Variants in ANKRD13C observed in about 807,000 individuals in gnomAD.
ANKRD13C encodes the protein ankyrin repeat domain-containing protein 13C.
Under a neutral mutation model 65.5 loss-of-function variants are expected in ANKRD13C, and 16 were observed. The observed-to-expected ratio is 0.24, with a 90% CI of 0.17 to 0.37. The LOEUF (loss-of-function observed/expected upper bound fraction) is 0.37. Ranked by LOEUF, ANKRD13C falls within the 10% of genes least tolerant of loss-of-function variation. The pLI is 1.00. For missense variants in ANKRD13C, 503 were observed against 655.9 expected (o/e 0.77, Z 2.55); for synonymous variants, 235 against 238.7 (o/e 0.98, Z 0.14).
At chr1:70,265,144 A>G (rs926470443) in intron 12 of ANKRD13C, among the ~76,000 whole-genome samples, 1 of 152,228 alleles carries the variant, frequency 6.6e-6, no homozygotes, top group African/African-American at 2.4e-5. Context: ...GATCAGGTGG[A>G]AAGCCAACGG....
intron 7 of ANKRD13C, among the ~76,000 whole-genome samples, chr1:70,298,071 A>G (rs1301738780): frequency 6.6e-6 from 1 of 152,188 alleles, no homozygotes; most frequent in Non-Finnish European, 1.5e-5. Context: ...TGGTAACCCA[A>G]ATTAATTCTG....
intron 9 of ANKRD13C, among the ~76,000 whole-genome samples, chr1:70,291,210 G>A (rs189298760): frequency 7.8e-4 from 117 of 150,904 alleles, no homozygotes; most frequent in African/African-American, 2.6e-3. Context: ...TTGTAGAGGC[G>A]GGATTTCACC....
intron 2 of ANKRD13C, among the ~76,000 whole-genome samples, chr1:70,328,425 G>T (rs1471681120): frequency 6.6e-6 from 1 of 152,124 alleles, no homozygotes; most frequent in African/African-American, 2.4e-5. Context: ...GACTTTGGGA[G>T]GCCAAGGTGG....
intron 2 of ANKRD13C, among the ~76,000 whole-genome samples, chr1:70,325,314 G>A (rs1304019415): frequency 1.3e-5 from 2 of 152,126 alleles, no homozygotes; most frequent in Non-Finnish European, 2.9e-5. Context: ...CAGCTAGTAA[G>A]ACCCAAAAGA....
At chr1:70,328,848 A>G (rs937224197) in intron 2 of ANKRD13C, among the ~76,000 whole-genome samples, 1 of 152,216 alleles carries the variant, frequency 6.6e-6, no homozygotes, top group Non-Finnish European at 1.5e-5. Flanking sequence ...TAGCCAAGAT[A>G]AAAAGAAATT....
At chr1:70,280,558 G>GCAATACAA (rs1276480955) in intron 9 of ANKRD13C, among the ~76,000 whole-genome samples, 3 of 152,130 alleles carry the variant, frequency 2.0e-5, no homozygotes, top group African/African-American at 7.2e-5. Context: ...AATATTTTGA[G>GCAATACAA]CAATACAATA....
intron 1 of ANKRD13C, among the ~76,000 whole-genome samples, chr1:70,338,480 A>C (rs953604435): frequency 3.3e-5 from 5 of 152,134 alleles, no homozygotes; most frequent in Non-Finnish European, 7.4e-5. Flanking sequence ...GGCTCACTGC[A>C]ACCTCCGCTC....
intron 8 of ANKRD13C, among the ~76,000 whole-genome samples, chr1:70,295,650 G>A (rs1028529745): frequency 1.3e-5 from 2 of 152,126 alleles, no homozygotes; most frequent in Admixed American, 6.6e-5. Flanking sequence ...AACTTCCCCC[G>A]AGATTTGATT....
intron 1 of ANKRD13C, among the ~76,000 whole-genome samples, chr1:70,339,775 C>A (rs551612911): frequency 2.0e-5 from 3 of 150,162 alleles, no homozygotes; most frequent in African/African-American, 7.3e-5. Flanking sequence ...TTCCTAATAT[C>A]TGTTATTTGT....
intron 3 of ANKRD13C, among the ~76,000 whole-genome samples, chr1:70,320,263 A>T (rs1029638446): frequency 3.9e-5 from 6 of 152,188 alleles, no homozygotes; most frequent in African/African-American, 1.4e-4. Flanking sequence ...GGTTTTAAAG[A>T]ATTTTATGTA....
At chr1:70,297,024 T>C (rs966865277) in intron 7 of ANKRD13C, among the ~76,000 whole-genome samples, 1 of 152,088 alleles carries the variant, frequency 6.6e-6, no homozygotes, top group African/African-American at 2.4e-5. Context: ...GACTAAATGA[T>C]CAAGTACAGA....
Position 70,262,592 on chromosome 1 carries a change from G to T in ANKRD13C, c.*125C>A. ...GCCCATTTCACTGTATCGTATTACTGATGTGTCGATTCAATGTGTAATTCC... is the reference window on the plus strand; with the variant it reads ...GCCCATTTCACTGTATCGTATTACTTATGTGTCGATTCAATGTGTAATTCC... On this transcript the variant is annotated 3_prime_UTR_variant, in exon 13 of 13. Transcript: ENST00000370944. 2.8e-6 allele frequency: 3 copies of T among 1,067,954 alleles called. No homozygotes were observed. The highest frequency in any genetic ancestry group is 1.6e-5 in the African/African-American group (1 of 63,262). 66.2% of individuals were successfully genotyped at this position (1,067,954 alleles called of 1,614,324 possible).
chr1:70,283,855 C>T (rs1245769161), intron 9 of ANKRD13C, among the ~76,000 whole-genome samples: 1 of 152,012 alleles, frequency 6.6e-6, no homozygotes, highest in Admixed American at 6.6e-5. Context: ...TAGGGCTTAA[C>T]TCAATATTCT....
intron 9 of ANKRD13C, among the ~76,000 whole-genome samples, chr1:70,288,469 T>C (rs1258392469): frequency 6.6e-6 from 1 of 152,228 alleles, no homozygotes; most frequent in East Asian, 1.9e-4. Context: ...TAATTCATTA[T>C]GGCCCAAAAC....
chr1:70,337,034 A>G (rs1004120296), intron 1 of ANKRD13C, among the ~76,000 whole-genome samples: 1 of 152,144 alleles, frequency 6.6e-6, no homozygotes, highest in Non-Finnish European at 1.5e-5. Flanking sequence ...CACATTAACA[A>G]TTACGACCAA....
Position 70,354,630 on chromosome 1 carries a change from G to T in ANKRD13C, c.-222C>A. 1 of 1,107,138 alleles carries T rather than the reference G, an allele frequency of 9.0e-7. No homozygotes were observed. The highest frequency in any genetic ancestry group is 1.2e-6 in the Non-Finnish European group (1 of 802,064). 68.6% of individuals were successfully genotyped at this position (1,107,138 alleles called of 1,614,324 possible). ...GCTCGCTGGGGGAAGCTAGAACTCA[G>T]GTGCCCACGACACCAGGATCTCAGT... On this transcript the variant is annotated 5_prime_UTR_variant, in exon 1 of 13. In the 5' UTR this introduces an upstream ATG that the reference lacks. Transcript: ENST00000370944.
At chr1:70,314,224 ATT>A (rs903807914) in intron 4 of ANKRD13C, among the ~76,000 whole-genome samples, 1 of 146,784 alleles carries the variant, frequency 6.8e-6, no homozygotes, top group African/African-American at 2.5e-5. Context: ...TGAAAAAAAA[ATT>A]TTTTTTTTTT....
intron 2 of ANKRD13C, among the ~76,000 whole-genome samples, chr1:70,331,935 TTCAA>T (rs1681825433): frequency 6.6e-6 from 1 of 152,084 alleles, no homozygotes; most frequent in South Asian, 2.1e-4. Flanking sequence ...TCAACAGACT[TTCAA>T]GTTTGTTTGA....
At chr1:70,300,041 G>C (rs969293569) in intron 7 of ANKRD13C, among the ~76,000 whole-genome samples, 10 of 152,102 alleles carry the variant, frequency 6.6e-5, no homozygotes, top group African/African-American at 2.2e-4. Flanking sequence ...CAAAGAGTTA[G>C]GAAAAGTAAG....
Sources: allele counts gnomAD v4.1 joint callset (sites outside exome capture counted in the v4.1 genomes callset), GRCh38; gene constraint gnomAD v4.1.1; transcripts MANE v1.5; gene names NCBI Gene and HGNC (gene_info 2026-07-23, HGNC 2026-07-21).